Variants in OSBPL10 observed in about 807,000 individuals in gnomAD.
The protein encoded by OSBPL10 is oxysterol-binding protein-related protein 10.
A neutral mutation model predicts 81.7 loss-of-function variants in OSBPL10; 49 were observed. The observed-to-expected ratio is 0.60, with a 90% CI of 0.48 to 0.76. The LOEUF is 0.76. OSBPL10 is among the 30% of genes least tolerant of loss of function. The pLI is 0.00. For missense variants in OSBPL10, 923 were observed against 987.8 expected, an observed-to-expected ratio of 0.93 and a Z score of 0.88; for synonymous variants, 419 against 383.6, an observed-to-expected ratio of 1.09 and a Z score of -1.08.
chr3:31,754,136 T>G (rs1040649129), intron 4 of OSBPL10, among the ~76,000 whole-genome samples: 1 of 142,744 alleles, frequency 7.0e-6, no homozygotes, highest in African/African-American at 2.4e-5. Context: ...CTACACCTCC[T>G]GGCACAACAT....
chr3:32,022,916 G>A (rs527643950), intron 2 of OSBPL10, among the ~76,000 whole-genome samples: 78 of 152,222 alleles, frequency 5.1e-4, no homozygotes, highest in Non-Finnish European at 7.9e-4. Flanking sequence ...AACAAATAGC[G>A]GTGGTCAGAG....
At chr3:31,982,786 C>T (rs12629794), upstream of OSBPL10, among the ~76,000 whole-genome samples, 15,380 of 152,160 alleles carry the variant, frequency 0.1, 1,219 homozygotes, top group East Asian at 0.47. Flanking sequence ...CAAATGATAC[C>T]GGCTGTAATA....
At chr3:31,687,784 G>C (rs1559416304) in intron 7 of OSBPL10, among the ~76,000 whole-genome samples, 1 of 152,112 alleles carries the variant, frequency 6.6e-6, no homozygotes, top group Non-Finnish European at 1.5e-5. Context: ...ATTAAGAAGA[G>C]GGGGAAGAGC....
At chr3:31,956,181 T>G (rs1698001347) in intron 1 of OSBPL10, among the ~76,000 whole-genome samples, 1 of 152,198 alleles carries the variant, frequency 6.6e-6, no homozygotes, top group African/African-American at 2.4e-5. Context: ...TCTAAATGGC[T>G]CTGATCCTGC....
chr3:31,875,603 T>A (rs1161725876), intron 3 of OSBPL10, among the ~76,000 whole-genome samples: 1 of 151,884 alleles, frequency 6.6e-6, no homozygotes, highest in Non-Finnish European at 1.5e-5. Context: ...TAGTTTGTAT[T>A]TGGAGGCAGA....
At chr3:31,798,196 C>T (rs1699285699) in intron 4 of OSBPL10, among the ~76,000 whole-genome samples, 2 of 151,998 alleles carry the variant, frequency 1.3e-5, no homozygotes, top group Non-Finnish European at 2.9e-5. Context: ...TTTGGGAGGC[C>T]GAGGCAGGTG....
intron 8 of OSBPL10, among the ~76,000 whole-genome samples, chr3:31,680,129 G>A (rs564799184): frequency 9.6e-4 from 146 of 152,168 alleles, no homozygotes; most frequent in African/African-American, 3.3e-3. Flanking sequence ...CAGTCACTGG[G>A]GTCAGAAAAG....
intron 1 of OSBPL10, among the ~76,000 whole-genome samples, chr3:31,947,093 G>C (rs921400058): frequency 3.3e-5 from 5 of 152,160 alleles, no homozygotes; most frequent in Non-Finnish European, 5.9e-5. Context: ...ACTAGAGAAC[G>C]AGACACAGCA....
At chr3:31,730,889 C>A (rs1196802793) in intron 6 of OSBPL10, among the ~76,000 whole-genome samples, 1 of 152,146 alleles carries the variant, frequency 6.6e-6, no homozygotes, top group Non-Finnish European at 1.5e-5. Flanking sequence ...ACCATAATAA[C>A]CACAATTCTG....
Position 32,050,044 on chromosome 3 carries a change from A to C in OSBPL10, n.186-3441T>G, listed in dbSNP as rs560684583. 9.2e-5 allele frequency among the ~76,000 whole-genome samples: 14 copies of C among 152,342 alleles called. No homozygotes were observed. The South Asian group carries it at 2.9e-3, about 32-fold the overall frequency. ...ATTTGTGAGGCTAGTCTTAAGCTGT[A>C]GTGAATCTGGTGTAACAGCAGCAAA... On this transcript the variant is annotated intron_variant and non_coding_transcript_variant, in intron 1 of 3. Coordinates refer to the OSBPL10 transcript ENST00000479173.
chr3:31,982,197 T>C (rs1467647381), upstream of OSBPL10, among the ~76,000 whole-genome samples: 1 of 152,178 alleles, frequency 6.6e-6, no homozygotes, highest in Non-Finnish European at 1.5e-5. Context: ...TTTACAAACA[T>C]TGAAGGATTC....
At chr3:32,073,578 G>A (rs1214415762) in intron 1 of OSBPL10, among the ~76,000 whole-genome samples, 1 of 152,092 alleles carries the variant, frequency 6.6e-6, no homozygotes, top group African/African-American at 2.4e-5. Context: ...TGACCCTTAT[G>A]AGCCTAATAC....
At chr3:31,965,490 T>A (rs184943372) in intron 1 of OSBPL10, among the ~76,000 whole-genome samples, 5,943 of 70,976 alleles carry the variant, frequency 0.084, 958 homozygotes, top group East Asian at 0.31. Flanking sequence ...ATTATCTATT[T>A]TATATAATAT....
In OSBPL10 at chr3:31,836,486, C is replaced by T. The variant is rs961266365; in HGVS notation, c.538-6255G>A. 1.4e-4 allele frequency among the ~76,000 whole-genome samples: 21 copies of T among 152,104 alleles called. No individual in the cohort carries two copies. The East Asian group carries it at 1.7e-3, about 13-fold the overall frequency. ...GGGAAACAAAACTTGACATTTTCTGCGCTTTTTTCCCCCATCATTTTCAAC... is the reference window on the plus strand; with the variant it reads ...GGGAAACAAAACTTGACATTTTCTGTGCTTTTTTCCCCCATCATTTTCAAC... On this transcript the variant is annotated intron_variant, in intron 3 of 11. Transcript: ENST00000396556.
intron 1 of OSBPL10, among the ~76,000 whole-genome samples, chr3:31,939,877 G>C (rs959198623): frequency 2.3e-4 from 35 of 152,052 alleles, no homozygotes; most frequent in African/African-American, 8.0e-4. Flanking sequence ...GGGACTACAG[G>C]TGCATGCTAC....
At chr3:31,702,273 A>T (rs2125592575) in intron 7 of OSBPL10, 86 bp downstream of exon 7, 1 of 1,476,386 alleles carries the variant, frequency 6.8e-7, no homozygotes, top group East Asian at 2.3e-5. Flanking sequence ...TCTCACCACA[A>T]CGAAAAGAAT....
intron 2 of OSBPL10, among the ~76,000 whole-genome samples, chr3:31,878,763 T>C (rs1701544296): frequency 6.6e-6 from 1 of 152,078 alleles, no homozygotes; most frequent in Admixed American, 6.6e-5. Flanking sequence ...CAATACTTAA[T>C]ACATACTACT....
At chr3:31,913,457 C>A (rs949123974) in intron 1 of OSBPL10, among the ~76,000 whole-genome samples, 2 of 152,068 alleles carry the variant, frequency 1.3e-5, no homozygotes, top group Admixed American at 1.3e-4. Context: ...ACCGTGTTAG[C>A]CAGGATGGTC....
intron 3 of OSBPL10, among the ~76,000 whole-genome samples, chr3:31,871,380 GA>G (rs1701322391): frequency 6.6e-6 from 1 of 152,002 alleles, no homozygotes; most frequent in African/African-American, 2.4e-5. Flanking sequence ...GAACCCACCA[GA>G]AGGAAGAAAC....
Sources: allele counts gnomAD v4.1 joint callset (sites outside exome capture counted in the v4.1 genomes callset), GRCh38; gene constraint gnomAD v4.1.1; transcripts MANE v1.5; gene names NCBI Gene and HGNC (gene_info 2026-07-23, HGNC 2026-07-21).